ODF2: variants seen among roughly 807,000 people sequenced by gnomAD.
ODF2 encodes outer dense fiber of sperm tails 2, also known as outer dense fiber protein 2.
A neutral mutation model predicts 110.2 loss-of-function variants in ODF2; 47 were observed. The ratio of observed to expected loss-of-function variants is 0.43; its 90% confidence interval spans 0.34 to 0.54. ODF2 has a LOEUF of 0.54. Among genes scored for constraint, ODF2 ranks in the 20% least tolerant of loss-of-function variants. ODF2 has a pLI of 0.03. For synonymous variants in ODF2, 352 were observed against 397.7 expected (o/e 0.89, Z 1.37); for missense variants, 812 against 1,054.5 (o/e 0.77, Z 3.19).
chr9:128,459,461 C>A, intron 2 of ODF2, 106 bp from the exon 2 acceptor site: 2 of 883,874 alleles, frequency 2.3e-6, no homozygotes, highest in Non-Finnish European at 1.8e-6. Flanking sequence ...GTTTTCCTAG[C>A]CATGAACATG....
chr9:128,499,131 G>A lies in ODF2; in HGVS notation c.2301+5G>A, dbSNP rs990795247. On this transcript the variant is annotated splice_donor_5th_base_variant and intron_variant, in intron 20 of 20. Transcript: ENST00000604420. ...CTGCGGCGGAGCCGTGATGATGTGA[G>A]TCAGGCTGGTGGGCCGGGCTAGGAG... 1.1e-5 allele frequency: 17 copies of A among 1,614,164 alleles called. No individual in the cohort carries two copies. The highest frequency in any genetic ancestry group is 1.4e-5 in the Non-Finnish European group (16 of 1,180,000).
chr9:128,498,517 G>C, exon 19 of ODF2: 1 of 1,611,460 alleles, frequency 6.2e-7, no homozygotes, highest in Non-Finnish European at 8.5e-7. Flanking sequence ...GAGAAAACAC[G>C]GGAATGTGGG....
At chr9:128,478,065 C>T (rs1193159786) in intron 8 of ODF2, among the ~76,000 whole-genome samples, 1 of 152,126 alleles carries the variant, frequency 6.6e-6, no homozygotes, top group Non-Finnish European at 1.5e-5. Context: ...GGCACAATCT[C>T]AGCTCACTGC....
At chr9:128,472,610 C>T (rs1040505572) in intron 6 of ODF2, among the ~76,000 whole-genome samples, 7 of 152,102 alleles carry the variant, frequency 4.6e-5, no homozygotes, top group African/African-American at 1.2e-4. Context: ...GAAGATGGTG[C>T]GTAGGAGGGC....
rs1189996875 is a variant in ODF2, at chr9:128,499,211, T to TA, written c.2301+86dup. On this transcript the variant is annotated intron_variant, in intron 20 of 20. Transcript: ENST00000604420. ...CCTGTGGGCCAAGGTGTTTTGTTGTTACTGTTTTTGTGAATATGACATGGT... is the reference window on the plus strand; with the variant it reads ...CCTGTGGGCCAAGGTGTTTTGTTGTTAACTGTTTTTGTGAATATGACATGGT... 6 of 1,542,364 alleles carry TA rather than the reference T, an allele frequency of 3.9e-6. 1 individual carries two copies. The Middle Eastern group carries it at 9.1e-4, about 233-fold the overall frequency.
rs1845528659 is a variant in ODF2, at chr9:128,496,130, T to C, written c.2001T>C (p.Asp667=). The C allele has an allele frequency of 6.2e-6, 10 of 1,613,924 alleles. No homozygotes were observed. The East Asian group carries it at 2.2e-4, about 36-fold the overall frequency. The stretch of plus-strand genomic sequence containing the variant: ...ATAAACAGCTGAGTCTGAAGGTGGA[T>C]GAACTGGAGAGGTTAGAGGCACTTG... The change falls in exon 18 of 21, where the codon GAT becomes GAC. Residue 667 remains aspartate (D), a synonymous_variant. Coordinates refer to ENST00000604420, the Ensembl canonical transcript of ODF2.
Position 128,494,306 on chromosome 9 carries a change from A to G in ODF2, c.1753-204A>G, listed in dbSNP as rs1264870744. 2.0e-5 allele frequency among the ~76,000 whole-genome samples: 3 copies of G among 152,166 alleles called. No homozygotes were observed. Among genetic ancestry groups the G allele is most frequent in the Non-Finnish European group, 4.4e-5 (3 of 68,036 alleles). On this transcript the variant is annotated intron_variant, in intron 16 of 20. Transcript: ENST00000604420. The surrounding 1 kb of genome is among the most constrained non-coding windows in gnomAD (Gnocchi z 4.6). The stretch of plus-strand genomic sequence containing the variant: ...ACTGTGTGGTTGCCATTGTTACGGG[A>G]TAACTAAATGAATGGCAAGCCACCT...
At chr9:128,456,973 T>A in intron 1 of ODF2, 3 of 1,235,474 alleles carry the variant, frequency 2.4e-6, no homozygotes, top group Non-Finnish European at 3.1e-6. Context: ...CGCGGCTCCC[T>A]GCGCGGTTCT....
At chr9:128,461,108 C>G in intron 4 of ODF2, 41 bp downstream of exon 4, 1 of 1,598,428 alleles carries the variant, frequency 6.3e-7, no homozygotes, top group Non-Finnish European at 8.5e-7. Context: ...TCGGACTGCT[C>G]AGATCCTAGC....
intron 1 of ODF2, chr9:128,457,147 C>T (rs1453306194): frequency 3.4e-6 from 5 of 1,480,174 alleles, no homozygotes; most frequent in Non-Finnish European, 4.5e-6. Context: ...CCCCTTCCTC[C>T]CCTCTGCCCC....
intron 5 of ODF2, among the ~76,000 whole-genome samples, chr9:128,470,058 T>TATATA (rs1839581366): frequency 1.6e-5 from 1 of 64,158 alleles, no homozygotes; most frequent in Non-Finnish European, 3.0e-5. Context: ...AATAAAAAAA[T>TATATA]TAACAAAAAC....
At chr9:128,456,020 A>C (rs1166678857), upstream of ODF2, 1 of 1,429,520 alleles carries the variant, frequency 7.0e-7, no homozygotes, top group Non-Finnish European at 9.2e-7. Flanking sequence ...GGGGCGGGGC[A>C]TCTCTGTGAC....
chr9:128,482,764 C>A, intron 9 of ODF2, 52 bp from the exon 10 acceptor site: 2 of 1,431,526 alleles, frequency 1.4e-6, no homozygotes, highest in Non-Finnish European at 2.0e-6. Context: ...CTCCCTGGGC[C>A]GGGCCTCTTT....
At chr9:128,471,418 G>T (rs767852970) in exon 6 of ODF2, 3 of 1,613,296 alleles carry the variant, frequency 1.9e-6, no homozygotes, top group Admixed American at 1.7e-5. Flanking sequence ...ACGAGAACAC[G>T]GTGTTGAGGC....
chr9:128,493,300 G>A (rs1225305522), intron 16 of ODF2, among the ~76,000 whole-genome samples: 4 of 152,096 alleles, frequency 2.6e-5, no homozygotes, highest in East Asian at 1.9e-4. Context: ...CAGGAGAATC[G>A]CTTGAACCCA....
chr9:128,493,403 C>A (rs2132243245), intron 16 of ODF2, among the ~76,000 whole-genome samples: 1 of 152,162 alleles, frequency 6.6e-6, no homozygotes, highest in Admixed American at 6.5e-5. Context: ...AACAAACAAA[C>A]AAACAAAAAA....
intron 8 of ODF2, among the ~76,000 whole-genome samples, chr9:128,478,212 GGTCTT>G (rs1841720563): frequency 6.6e-6 from 1 of 152,140 alleles, no homozygotes; most frequent in East Asian, 1.9e-4. Flanking sequence ...TGGCCAGGCT[GGTCTT>G]GAACGCCTGA....
In ODF2 at chr9:128,485,326, G is replaced by T; in HGVS notation, c.1291-39G>T. ...CCCAGCTCCTGGCAGCCTCACCACT[G>T]ACACTAGGCTAACAGGCCCTTTTGT... On this transcript the variant is annotated intron_variant, in intron 12 of 20. Transcript: ENST00000604420. This position sits in a 1 kb window ranked among gnomAD's most constrained non-coding sequence, Gnocchi z 5.0. 1.8e-6 allele frequency: 2 copies of T among 1,138,740 alleles called. No homozygotes were observed. The highest frequency in any genetic ancestry group is 2.6e-5 in the South Asian group (2 of 78,396). 70.5% of individuals were successfully genotyped at this position (1,138,740 alleles called of 1,614,324 possible). A position where few individuals can be genotyped will look rare whatever the true frequency, so the allele number is the denominator to read the frequency against.
Position 128,459,670 on chromosome 9 carries a change from CT to C in ODF2, c.123+14del. 1 of 1,597,706 alleles carries C rather than the reference CT, an allele frequency of 6.3e-7. No homozygotes were observed. Among genetic ancestry groups the C allele is most frequent in the Non-Finnish European group, 8.6e-7 (1 of 1,165,380 alleles). ...TGTAACTGTGACGGTAGGTGATGCA[CT>C]CACGTAGCAGCCCTCTTTGGTCACC... On this transcript the variant is annotated intron_variant, in intron 3 of 20. Coordinates refer to ENST00000604420, the Ensembl canonical transcript of ODF2.
Sources: allele counts gnomAD v4.1 joint callset (sites outside exome capture counted in the v4.1 genomes callset), GRCh38; gene constraint gnomAD v4.1.1; non-coding constraint Gnocchi (gnomAD v3.1); transcripts MANE v1.5; gene names NCBI Gene and HGNC (gene_info 2026-07-23, HGNC 2026-07-21).